The following GPM6A variants were observed in gnomAD, a reference collection of about 807,000 sequenced individuals.
GPM6A encodes the protein neuronal membrane glycoprotein M6-a.
A neutral mutation model predicts 32.1 loss-of-function variants in GPM6A; 7 were observed. The ratio of observed to expected loss-of-function variants is 0.22; its 90% CI spans 0.12 to 0.41. GPM6A has a LOEUF of 0.41. Ranked by LOEUF, GPM6A falls within the 10% of genes least tolerant of loss-of-function variation. GPM6A has a pLI of 1.00. For missense variants in GPM6A, 235 were observed against 347.2 expected (o/e 0.68, Z 2.57); for synonymous variants, 130 against 123.4 (o/e 1.05, Z -0.35).
chr4:175,759,072 C>T (rs1238337662), intron 1 of GPM6A, among the ~76,000 whole-genome samples: 1 of 152,084 alleles, frequency 6.6e-6, no homozygotes, highest in Non-Finnish European at 1.5e-5. Flanking sequence ...TGCAATCAGC[C>T]ATTCAAAAAC....
intron 1 of GPM6A, among the ~76,000 whole-genome samples, chr4:175,946,860 C>A (rs1360603811): frequency 6.6e-6 from 1 of 151,990 alleles, no homozygotes; most frequent in Non-Finnish European, 1.5e-5. Context: ...AAGAAAGGTG[C>A]CTTTAAGAAA....
chr4:175,655,654 A>G (rs1292065515), intron 3 of GPM6A, among the ~76,000 whole-genome samples: 1 of 151,928 alleles, frequency 6.6e-6, no homozygotes, highest in African/African-American at 2.4e-5. Flanking sequence ...TTTTGATTCA[A>G]CTCTTTCTGA....
At chr4:175,686,292 G>A (rs1238893899) in intron 2 of GPM6A, among the ~76,000 whole-genome samples, 2 of 152,110 alleles carry the variant, frequency 1.3e-5, no homozygotes, top group Non-Finnish European at 2.9e-5. Context: ...ACTTTCAATG[G>A]CAAAACCGCA....
At chr4:175,792,360 T>C (rs1363919017) in intron 1 of GPM6A, among the ~76,000 whole-genome samples, 3 of 152,132 alleles carry the variant, frequency 2.0e-5, no homozygotes, top group African/African-American at 7.2e-5. Context: ...CAGTGGATAT[T>C]TGGTGTCTAC....
In GPM6A at chr4:175,756,185, G is replaced by A. The variant is rs576932849; in HGVS notation, c.38-54418C>T. On this transcript the variant is annotated intron_variant, in intron 1 of 6. Coordinates refer to ENST00000393658, the MANE Select transcript of GPM6A (RefSeq NM_201591.3). ...GTAAGACTTAAGGAAAGAAGAGAGA[G>A]TAGGGTTATGTTGCAAGGTAGTAAG... 9.2e-5 allele frequency among the ~76,000 whole-genome samples: 14 copies of A among 152,078 alleles called. No individual in the cohort carries two copies. In the South Asian group the frequency reaches 2.9e-3, roughly 32 times the overall value.
chr4:175,749,865 T>C (rs1431373832), intron 1 of GPM6A, among the ~76,000 whole-genome samples: 3 of 152,162 alleles, frequency 2.0e-5, no homozygotes, highest in East Asian at 3.9e-4. Flanking sequence ...GTCAAGAGAA[T>C]GGAAAAGCTG....
intron 1 of GPM6A, among the ~76,000 whole-genome samples, chr4:175,887,856 G>A (rs2111469707): frequency 6.6e-6 from 1 of 151,894 alleles, no homozygotes; most frequent in East Asian, 1.9e-4. Flanking sequence ...TTAAAAATTT[G>A]CCCACTGATC....
rs185722318 is a variant in GPM6A, at chr4:175,899,357, A to G, written c.-22-87108T>C. Among the ~76,000 whole-genome samples, 549 of 152,322 alleles carry G rather than the reference A, an allele frequency of 3.6e-3. 6 individuals carry two copies. Among genetic ancestry groups the G allele is most frequent in the African/African-American group, 0.011 (458 of 41,556 alleles). On this transcript the variant is annotated intron_variant, in intron 1 of 7. Transcript: ENST00000280187. Reference sequence around the variant, plus strand: ...AGAGGCACTTCACAAAGAAAGATATATAAATAGACAATAAATACATGATAA... The same window carrying G: ...AGAGGCACTTCACAAAGAAAGATATGTAAATAGACAATAAATACATGATAA...
intron 1 of GPM6A, among the ~76,000 whole-genome samples, chr4:175,860,428 C>T (rs1736540332): frequency 6.6e-6 from 1 of 151,942 alleles, no homozygotes; most frequent in Non-Finnish European, 1.5e-5. Context: ...ATTCTATGCC[C>T]TCAAAGTTGA....
At chr4:175,937,467 T>C (rs1172725641) in intron 1 of GPM6A, among the ~76,000 whole-genome samples, 1 of 152,168 alleles carries the variant, frequency 6.6e-6, no homozygotes, top group Non-Finnish European at 1.5e-5. Flanking sequence ...CTGCATAGTG[T>C]GACTCAATTC....
intron 1 of GPM6A, among the ~76,000 whole-genome samples, chr4:175,862,964 G>A (rs564142147): frequency 6.6e-6 from 1 of 151,924 alleles, no homozygotes. Context: ...TTGCAAATAC[G>A]ATTTTCTGTT....
intron 1 of GPM6A, among the ~76,000 whole-genome samples, chr4:175,919,190 T>A (rs75033387): frequency 0.026 from 3,921 of 152,218 alleles, 150 homozygotes; most frequent in African/African-American, 0.086. Flanking sequence ...TCATGATTTT[T>A]CTTTTTTTTC....
chr4:175,919,017 C>T (rs1440051773), intron 1 of GPM6A, among the ~76,000 whole-genome samples: 3 of 152,074 alleles, frequency 2.0e-5, no homozygotes, highest in East Asian at 1.9e-4. Context: ...ACTGAACTCA[C>T]TAATAAATTG....
intron 6 of GPM6A, among the ~76,000 whole-genome samples, chr4:175,638,090 C>T (rs1740919459): frequency 6.7e-6 from 1 of 149,786 alleles, no homozygotes; most frequent in African/African-American, 2.5e-5. Flanking sequence ...TTTACTTTGT[C>T]AGCATGTAGG....
chr4:175,671,561 CT>C (rs1293150858), intron 3 of GPM6A, among the ~76,000 whole-genome samples: 2 of 128,414 alleles, frequency 1.6e-5, no homozygotes, highest in Non-Finnish European at 3.2e-5. Flanking sequence ...ATAAATCTTT[CT>C]TTTCCCCTCG....
chr4:175,821,271 T>C (rs898480833), intron 1 of GPM6A, among the ~76,000 whole-genome samples: 2 of 152,206 alleles, frequency 1.3e-5, no homozygotes, highest in African/African-American at 4.8e-5. Context: ...AATTAGCCAA[T>C]GATTTTCCTC....
intron 1 of GPM6A, among the ~76,000 whole-genome samples, chr4:175,745,848 T>A (rs1732082829): frequency 1.3e-5 from 2 of 152,128 alleles, no homozygotes; most frequent in Non-Finnish European, 2.9e-5. Context: ...TGGGAAGACT[T>A]CTTCATGTGA....
rs1049143135 is a variant in GPM6A at position 175,767,125 on chromosome 4, G to A, written c.37+45066C>T. The stretch of plus-strand genomic sequence containing the variant: ...CCATTTTATTATTAATGAGTCTAGC[G>A]CATTTTCCTGAAATAAAAGCTATCA... On this transcript the variant is annotated intron_variant, in intron 1 of 6. Transcript: ENST00000393658. Among the ~76,000 whole-genome samples, 11 of 152,182 alleles carry A rather than the reference G, an allele frequency of 7.2e-5. No homozygotes were observed. In the East Asian group the frequency reaches 7.7e-4, roughly 11 times the overall value.
chr4:175,982,930 C>A (rs571141282), intron 1 of GPM6A, among the ~76,000 whole-genome samples: 1 of 151,966 alleles, frequency 6.6e-6, no homozygotes, highest in Admixed American at 6.6e-5. Context: ...TCTGCATAAA[C>A]GGCATGTACA....
Sources: allele counts gnomAD v4.1 joint callset (sites outside exome capture counted in the v4.1 genomes callset), GRCh38; gene constraint gnomAD v4.1.1; transcripts MANE v1.5; gene names NCBI Gene and HGNC (gene_info 2026-07-23, HGNC 2026-07-21).